Variants in RTL4 observed in about 807,000 individuals in gnomAD.
The protein encoded by RTL4 is retrotransposon Gag-like protein 4.
A neutral mutation model predicts 5.3 loss-of-function variants in RTL4; 4 were observed. That is an observed-to-expected ratio of 0.75 (90% CI 0.37 to 1.72). The LOEUF (loss-of-function observed/expected upper bound fraction) is 1.72, where lower values mean the gene tolerates loss of function less well. Ranked by LOEUF, RTL4 falls within the 40% of genes most tolerant of loss-of-function variation. RTL4 has a pLI of 0.04. For synonymous variants in RTL4, 98 were observed against 87.3 expected (o/e 1.12, Z -0.68); for missense variants, 260 against 227.1 (o/e 1.14, Z -0.93).
the RTL4 span, among the ~76,000 whole-genome samples, chrX:112,234,274 T>C: frequency 9.0e-6 from 1 of 111,679 alleles, no homozygotes; most frequent in Non-Finnish European, 1.9e-5. Context: ...TCCAACACAG[T>C]GTTTATCTTC....
At chrX:112,402,552 T>C in the RTL4 span, among the ~76,000 whole-genome samples, 1 of 110,400 alleles carries the variant, frequency 9.1e-6, no homozygotes. Context: ...CAGAAGCAAA[T>C]CCTTGATTAG....
At chrX:112,176,819 A>G in the RTL4 span, among the ~76,000 whole-genome samples, 1 of 110,633 alleles carries the variant, frequency 9.0e-6, no homozygotes, top group Non-Finnish European at 1.9e-5. Flanking sequence ...ACTTCTCTTC[A>G]TCCCCCTTCC....
the RTL4 span, among the ~76,000 whole-genome samples, chrX:112,356,232 T>C: frequency 2.5e-4 from 28 of 111,552 alleles, no homozygotes; most frequent in African/African-American, 9.1e-4. Flanking sequence ...AGGCTCCAAA[T>C]TGAGAGTCAA....
chrX:112,111,758 C>A, the RTL4 span, among the ~76,000 whole-genome samples: 1,542 of 112,116 alleles, frequency 0.014, 33 homozygotes, highest in African/African-American at 0.048. Flanking sequence ...ATCCCATTCT[C>A]CACAAATGAA....
At chrX:112,439,941 T>C in the RTL4 span, among the ~76,000 whole-genome samples, 22 of 111,662 alleles carry the variant, frequency 2.0e-4, no homozygotes, top group African/African-American at 6.8e-4. Flanking sequence ...TTTTAGAAAT[T>C]ACCCAGCCCG....
At chrX:112,098,892 A>C in the RTL4 span, among the ~76,000 whole-genome samples, 1 of 112,314 alleles carries the variant, frequency 8.9e-6, no homozygotes, top group Admixed American at 9.4e-5. Context: ...TTCAAGATGG[A>C]TTAAAGACTT....
the RTL4 span, among the ~76,000 whole-genome samples, chrX:112,334,965 C>T: frequency 9.0e-6 from 1 of 111,662 alleles, no homozygotes; most frequent in African/African-American, 3.3e-5. Context: ...TTGTTTAATA[C>T]TATTTTTATT....
At chrX:112,208,320 G>C in the RTL4 span, among the ~76,000 whole-genome samples, 4 of 111,988 alleles carry the variant, frequency 3.6e-5, no homozygotes, top group African/African-American at 1.3e-4. Flanking sequence ...CACAAGACAT[G>C]TTTGATCTAA....
the RTL4 span, among the ~76,000 whole-genome samples, chrX:112,330,943 T>G: frequency 9.1e-6 from 1 of 110,455 alleles, no homozygotes; most frequent in African/African-American, 3.3e-5. Flanking sequence ...CTGGGAAAAC[T>G]GGCTAGCCAT....
the RTL4 span, among the ~76,000 whole-genome samples, chrX:112,142,101 C>T: frequency 8.9e-6 from 1 of 112,381 alleles, no homozygotes; most frequent in South Asian, 3.7e-4. Flanking sequence ...AGCTGAGGGT[C>T]ATATAGCCAA....
the RTL4 span, among the ~76,000 whole-genome samples, chrX:112,137,324 A>T: frequency 1.8e-5 from 2 of 111,959 alleles, no homozygotes; most frequent in African/African-American, 6.5e-5. Flanking sequence ...ACCAGTGAGG[A>T]TAGTGTATTA....
chrX:112,325,129 G>A, the RTL4 span, among the ~76,000 whole-genome samples: 7 of 111,131 alleles, frequency 6.3e-5, no homozygotes, highest in Non-Finnish European at 7.5e-5. Flanking sequence ...ACTACAAACC[G>A]CTGCTCGATG....
chrX:112,423,851 A>G, the RTL4 span, among the ~76,000 whole-genome samples: 335 of 112,038 alleles, frequency 3.0e-3, 3 homozygotes, highest in African/African-American at 0.01. Context: ...ACATTTGTCA[A>G]TTGACATCTT....
chrX:112,198,450 C>A, the RTL4 span, among the ~76,000 whole-genome samples: 964 of 111,560 alleles, frequency 8.6e-3, 11 homozygotes, highest in African/African-American at 0.03. Context: ...GGAGAACTAG[C>A]ATTCTGGTCC....
the RTL4 span, among the ~76,000 whole-genome samples, chrX:112,132,110 A>C: frequency 8.9e-6 from 1 of 111,798 alleles, no homozygotes; most frequent in African/African-American, 3.3e-5. Context: ...CCTCTATATG[A>C]TACTGAAACA....
the RTL4 span, among the ~76,000 whole-genome samples, chrX:112,349,382 C>A: frequency 9.0e-6 from 1 of 110,789 alleles, no homozygotes; most frequent in African/African-American, 3.3e-5. Flanking sequence ...AACAGAGAAA[C>A]TGGTTGTCTA....
the RTL4 span, among the ~76,000 whole-genome samples, chrX:112,164,159 C>T: frequency 5.4e-5 from 6 of 111,757 alleles, no homozygotes; most frequent in African/African-American, 2.0e-4. Context: ...ACCCCAAAGC[C>T]TGTACAATTT....
At chrX:112,189,561 G>A in the RTL4 span, among the ~76,000 whole-genome samples, 1 of 110,658 alleles carries the variant, frequency 9.0e-6, no homozygotes, top group East Asian at 2.8e-4. Context: ...TCAGGAGTTC[G>A]ACACCAGCCT....
the RTL4 span, among the ~76,000 whole-genome samples, chrX:112,448,949 G>A: frequency 8.9e-6 from 1 of 112,016 alleles, no homozygotes; most frequent in Non-Finnish European, 1.9e-5. Flanking sequence ...ATCAAGTGTG[G>A]TTCCTTAATA....
Sources: gnomAD v4.1 joint callset for allele counts (sites outside exome capture counted in the v4.1 genomes callset) on GRCh38, gnomAD v4.1.1 for gene constraint, MANE v1.5 for transcripts, NCBI Gene and HGNC (gene_info 2026-07-23, HGNC 2026-07-21) for gene names.